The following MYO10 variants were observed in gnomAD, a reference collection of about 807,000 sequenced individuals.
MYO10 encodes the protein unconventional myosin-X.
Under a neutral mutation model 257.3 loss-of-function variants are expected in MYO10, and 133 were observed. The ratio of observed to expected loss-of-function variants is 0.52; its 90% CI spans 0.45 to 0.60. The LOEUF is 0.60. Among genes scored for constraint, MYO10 ranks in the 20% least tolerant of loss-of-function variants. The probability of loss-of-function intolerance (pLI) is 0.00; values close to 1 mark genes in which losing one functional copy is unlikely to be tolerated. For synonymous variants in MYO10, 1,104 were observed against 1,028.6 expected (o/e 1.07, Z -1.40); for missense variants, 2,399 against 2,635.7 (o/e 0.91, Z 1.97).
intron 33 of MYO10, 109 bp downstream of exon 33, chr5:16,679,838 T>C: frequency 7.0e-7 from 1 of 1,418,838 alleles, no homozygotes; most frequent in Non-Finnish European, 9.5e-7. Context: ...AAGCACTAGT[T>C]TTGATTACAG....
chr5:16,681,205 G>A (rs1006813526), intron 32 of MYO10, 104 bp downstream of exon 32: 6 of 1,241,872 alleles, frequency 4.8e-6, no homozygotes, highest in African/African-American at 1.5e-5. Context: ...AACTTCTTTG[G>A]GGGGAAATAA....
At chr5:16,684,577 G>A (rs1344596573) in intron 29 of MYO10, among the ~76,000 whole-genome samples, 2 of 152,202 alleles carry the variant, frequency 1.3e-5, no homozygotes, top group African/African-American at 4.8e-5. Context: ...AGTGAACAGT[G>A]TTTATGACCT....
At chr5:16,773,691 G>A (rs1477800399) in intron 9 of MYO10, among the ~76,000 whole-genome samples, 1 of 147,534 alleles carries the variant, frequency 6.8e-6, no homozygotes, top group Non-Finnish European at 1.5e-5. Context: ...GAAATAAGTA[G>A]TAGAAAATTT....
At position 16,681,447 on chromosome 5, in the gene MYO10, T is replaced by C; in HGVS notation, c.4246A>G (p.Lys1416Glu). ...SPKMSSLKLK[K>E]RWFVLTHNSL... is the part of the protein sequence containing the mutation. ...TTGTGGGTGAGTACAAACCACCGTT[T>C]CTTCAGTTTCAGTGAAGACATCTTT... Residue 1416 changes from lysine to glutamate, a missense_variant, in exon 32 of 41, where the codon AAA becomes GAA. Coordinates refer to ENST00000513610, the MANE Select transcript of MYO10 (RefSeq NM_012334.3). 6.2e-7 allele frequency: 1 copy of C among 1,613,950 alleles called. No individual in the cohort carries two copies. Among genetic ancestry groups the C allele is most frequent in the Non-Finnish European group, 8.5e-7 (1 of 1,179,878 alleles).
chr5:16,674,759 T>G, intron 35 of MYO10, 94 bp downstream of exon 35: 2 of 1,430,226 alleles, frequency 1.4e-6, no homozygotes, highest in South Asian at 2.4e-5. Context: ...AGAGGTGTCT[T>G]CTGTTCAAAA....
At position 16,794,763 on chromosome 5, in the gene MYO10, G is replaced by A; in HGVS notation, c.350C>T (p.Thr117Ile). The A allele has an allele frequency of 6.2e-7, 1 of 1,611,134 alleles. No homozygotes were observed. The highest frequency in any genetic ancestry group is 8.5e-7 in the Non-Finnish European group (1 of 1,178,776). The change falls in exon 4 of 41, where the codon ACC becomes ATC. Residue 117 changes from threonine to isoleucine, a missense_variant. By Grantham distance (89) the Thr-to-Ile change is moderately conservative. Around this residue, in one of 3 missense-constraint regions of MYO10, gnomAD observed 242 missense variants for 249.5 expected, o/e 0.97. Transcript: ENST00000513610. ...QPIAGLYEPA[T>I]MEQYSRRHLG... ...GTGGCGCCGGCTGTACTGCTCCATGGTGGCAGGCTCGTACAGCCCGGCGAT... is the reference window on the plus strand; with the variant it reads ...GTGGCGCCGGCTGTACTGCTCCATGATGGCAGGCTCGTACAGCCCGGCGAT...
intron 1 of MYO10, chr5:16,902,721 C>G (rs1018245987): frequency 1.3e-6 from 1 of 780,084 alleles, no homozygotes; most frequent in Non-Finnish European, 2.2e-6. Flanking sequence ...AAGCTTGTCT[C>G]AAACTCCTGA....
intron 1 of MYO10, among the ~76,000 whole-genome samples, chr5:16,878,117 C>A (rs186268470): frequency 3.3e-5 from 5 of 152,288 alleles, no homozygotes; most frequent in South Asian, 2.1e-4. Flanking sequence ...GGCAGTTGGG[C>A]TCCAGAAACC....
Position 16,711,264 on chromosome 5 carries a change from A to G in MYO10, c.1930-19T>C. Reference sequence around the variant, plus strand: ...CTGGCATCTAAACCATGCAAAAAAAAAAGATGGGATACCATTAGAAAAAAT... The same window carrying G: ...CTGGCATCTAAACCATGCAAAAAAAGAAGATGGGATACCATTAGAAAAAAT... On this transcript the variant is annotated intron_variant, in intron 19 of 40. Coordinates refer to ENST00000513610, the MANE Select transcript of MYO10 (RefSeq NM_012334.3). The G allele has an allele frequency of 6.3e-7, 1 of 1,595,068 alleles. No homozygotes were observed. Among genetic ancestry groups the G allele is most frequent in the South Asian group, 1.1e-5 (1 of 88,256 alleles).
intron 2 of MYO10, among the ~76,000 whole-genome samples, chr5:16,868,660 G>T (rs1157448135): frequency 6.6e-6 from 1 of 152,082 alleles, no homozygotes; most frequent in African/African-American, 2.4e-5. Context: ...TGTGGTCCAA[G>T]AAGACAACTG....
intron 9 of MYO10, among the ~76,000 whole-genome samples, chr5:16,769,619 C>T (rs1298250453): frequency 4.6e-5 from 7 of 152,130 alleles, no homozygotes; most frequent in Non-Finnish European, 7.3e-5. Context: ...GGATTACAGG[C>T]GTGAGCCACC....
chr5:16,876,060 C>T (rs781493803), intron 2 of MYO10, among the ~76,000 whole-genome samples: 4 of 152,110 alleles, frequency 2.6e-5, no homozygotes, highest in East Asian at 1.9e-4. Flanking sequence ...TTACAGTGAA[C>T]CAAGATGGTA....
intron 2 of MYO10, among the ~76,000 whole-genome samples, chr5:16,860,983 A>G (rs890899747): frequency 4.6e-5 from 7 of 152,158 alleles, no homozygotes; most frequent in African/African-American, 1.7e-4. Context: ...CATTTCATCT[A>G]TGAAATAGTT....
At chr5:16,900,746 T>TTTTTG (rs1156688527) in intron 1 of MYO10, among the ~76,000 whole-genome samples, 8 of 147,406 alleles carry the variant, frequency 5.4e-5, no homozygotes, top group Non-Finnish European at 1.1e-4. Flanking sequence ...TAAATCTTGT[T>TTTTTG]TTTTTTTTTT....
chr5:16,666,531 G>T lies in MYO10; in HGVS notation c.*161C>A. 1.7e-6 allele frequency: 1 copy of T among 594,910 alleles called. No individual in the cohort carries two copies. The allele number at this position is 594,910 out of a possible 1,614,324, so 36.9% of individuals were successfully genotyped here. A position where few individuals can be genotyped will look rare whatever the true frequency, so the allele number is the denominator to read the frequency against. Reference sequence around the variant, plus strand: ...GCTTAATACAGGATCAATGAAGGCGGCAGGCAAAAGGATCCTCGGAGACAC... The same window carrying T: ...GCTTAATACAGGATCAATGAAGGCGTCAGGCAAAAGGATCCTCGGAGACAC... On this transcript the variant is annotated 3_prime_UTR_variant, in exon 41 of 41. Coordinates refer to ENST00000513610, the MANE Select transcript of MYO10 (RefSeq NM_012334.3).
chr5:16,685,993 A>C (rs941313321), intron 28 of MYO10, among the ~76,000 whole-genome samples, 162 bp from the exon 29 acceptor site: 1 of 152,214 alleles, frequency 6.6e-6, no homozygotes. Context: ...ACCAAAGAAT[A>C]AAGTGAGAAG....
At chr5:16,757,452 A>G (rs536496933) in intron 18 of MYO10, among the ~76,000 whole-genome samples, 71 of 152,278 alleles carry the variant, frequency 4.7e-4, no homozygotes, top group African/African-American at 1.6e-3. Flanking sequence ...GGTAACTGAC[A>G]TCAGTCTCAT....
At position 16,781,615 on chromosome 5, in the gene MYO10, T is replaced by A. The variant is rs1340981725; in HGVS notation, c.727+90A>T. 1.9e-5 allele frequency: 25 copies of A among 1,301,588 alleles called. 1 individual carries two copies. The highest frequency in any genetic ancestry group is 8.5e-5 in the South Asian group (6 of 70,276). The allele number at this position is 1,301,588 out of a possible 1,614,324, so 80.6% of individuals were successfully genotyped here. A position where few individuals can be genotyped will look rare whatever the true frequency, so the allele number is the denominator to read the frequency against. ...TTAAAGAACCAGAGAAAGAAATGTT[T>A]CACATTCTTTTTCAATCCTTATAAT... On this transcript the variant is annotated intron_variant, in intron 6 of 40. Coordinates refer to ENST00000513610, the MANE Select transcript of MYO10 (RefSeq NM_012334.3).
intron 25 of MYO10, 73 bp downstream of exon 25, chr5:16,700,890 C>T (rs1375509357): frequency 7.0e-7 from 1 of 1,436,132 alleles, no homozygotes; most frequent in African/African-American, 1.4e-5. Context: ...TATCTTCATT[C>T]AACTTGAGGA....
Sources: allele counts gnomAD v4.1 joint callset (sites outside exome capture counted in the v4.1 genomes callset), GRCh38; gene constraint gnomAD v4.1.1; regional missense constraint gnomAD v4.1.1; transcripts MANE v1.5; gene names NCBI Gene and HGNC (gene_info 2026-07-23, HGNC 2026-07-21).